Variants in PCSK5 observed in about 807,000 individuals in gnomAD.
PCSK5 encodes prohormone convertase 5.
A neutral mutation model predicts 233.2 loss-of-function variants in PCSK5; 129 were observed. That is an observed-to-expected ratio of 0.55 (90% confidence interval 0.48 to 0.64). The LOEUF (loss-of-function observed/expected upper bound fraction) is 0.64, where lower values mean the gene tolerates loss of function less well. Ranked by LOEUF, PCSK5 falls within the 30% of genes least tolerant of loss-of-function variation. The pLI, the probability that PCSK5 is intolerant of heterozygous loss-of-function variation, is 0.00. For synonymous variants in PCSK5, 825 were observed against 879.2 expected (o/e 0.94, Z 1.09); for missense variants, 2,076 against 2,430.1 (o/e 0.85, Z 3.06).
At chr9:76,234,549 G>T (rs1479194583) in intron 22 of PCSK5, among the ~76,000 whole-genome samples, 2 of 152,184 alleles carry the variant, frequency 1.3e-5, no homozygotes, top group Non-Finnish European at 2.9e-5. Flanking sequence ...GAGATCAGGA[G>T]ATAACACATT....
Position 76,323,244 on chromosome 9 carries a change from G to A in PCSK5, c.4295G>A (p.Cys1432Tyr). Reference protein sequence around the residue: ...VLYDGLCLEECPAGTYYEKET... With the variant: ...VLYDGLCLEEYPAGTYYEKET... ...TATGATGGACTGTGCTTGGAGGAGT[G>A]TCCAGCAGGAACCTATTATGAAAAG... Residue 1432 changes from cysteine (C) to tyrosine (Y), a missense_variant, in exon 32 of 38, where the codon TGT (cysteine) becomes TAT (tyrosine). Transcript: ENST00000674117. 6.2e-7 allele frequency: 1 copy of A among 1,612,404 alleles called. No individual in the cohort carries two copies. The highest frequency in any genetic ancestry group is 1.7e-5 in the Admixed American group (1 of 60,008).
chr9:76,036,138 T>G (rs2131516652), intron 5 of PCSK5, among the ~76,000 whole-genome samples: 1 of 152,308 alleles, frequency 6.6e-6, no homozygotes, highest in Non-Finnish European at 1.5e-5. Flanking sequence ...GTTAAAGAAC[T>G]AAAGTTAGAA....
chr9:76,175,375 C>G (rs1373850627), intron 14 of PCSK5: 1 of 516,072 alleles, frequency 1.9e-6, no homozygotes, highest in Non-Finnish European at 3.4e-6. Context: ...ATTTTCTTCC[C>G]CTTAAATATT....
intron 30 of PCSK5, among the ~76,000 whole-genome samples, chr9:76,315,820 C>G (rs1281456461): frequency 6.6e-6 from 1 of 150,762 alleles, no homozygotes; most frequent in African/African-American, 2.4e-5. Flanking sequence ...TTTGTAGAGA[C>G]AGCATTTCGC....
At chr9:76,010,861 T>G (rs1311130648) in intron 3 of PCSK5, among the ~76,000 whole-genome samples, 1 of 152,344 alleles carries the variant, frequency 6.6e-6, no homozygotes, top group African/African-American at 2.4e-5. Flanking sequence ...GTTAACGTTA[T>G]TCCTTTCATT....
chr9:76,076,361 A>C (rs1044987108), intron 7 of PCSK5, among the ~76,000 whole-genome samples: 1 of 152,180 alleles, frequency 6.6e-6, no homozygotes, highest in Non-Finnish European at 1.5e-5. Flanking sequence ...ACTAAACAGA[A>C]TTGTGGCCTG....
At chr9:76,214,040 A>G (rs1448676961) in intron 20 of PCSK5, among the ~76,000 whole-genome samples, 1 of 152,188 alleles carries the variant, frequency 6.6e-6, no homozygotes, top group African/African-American at 2.4e-5. Context: ...TAAGCAAGAG[A>G]TGGCCCTGTC....
rs772026190 is a variant in PCSK5, at chr9:76,358,950, T to C, written c.*28T>C. Reference sequence around the variant, plus strand: ...AGGCACTCCCCCACCAACACCACCATTCCACTCTCAGGCATGCCTGTGAGC... The same window carrying C: ...AGGCACTCCCCCACCAACACCACCACTCCACTCTCAGGCATGCCTGTGAGC... On this transcript the variant is annotated 3_prime_UTR_variant, in exon 38 of 38. Coordinates refer to ENST00000674117, the MANE Select transcript of PCSK5 (RefSeq NM_001372043.1). The C allele has an allele frequency of 1.1e-5, 18 of 1,593,764 alleles. No individual in the cohort carries two copies. Among genetic ancestry groups the C allele is most frequent in the Non-Finnish European group, 1.5e-5 (17 of 1,165,762 alleles).
chr9:76,167,521 A>G (rs1461078926), intron 12 of PCSK5, among the ~76,000 whole-genome samples: 2 of 152,190 alleles, frequency 1.3e-5, no homozygotes, highest in African/African-American at 4.8e-5. Context: ...GCTTTTCTCT[A>G]GGGAATATTG....
chr9:76,297,998 T>C (rs1437598374), intron 27 of PCSK5, among the ~76,000 whole-genome samples: 1 of 152,130 alleles, frequency 6.6e-6, no homozygotes, highest in Non-Finnish European at 1.5e-5. Flanking sequence ...TCAATCCAGA[T>C]TGGGCTATCT....
chr9:75,927,256 A>G (rs1823532891), intron 1 of PCSK5, among the ~76,000 whole-genome samples: 1 of 152,182 alleles, frequency 6.6e-6, no homozygotes, highest in East Asian at 1.9e-4. Flanking sequence ...TGTCCATTCA[A>G]GCTTTTGCCC....
rs765234111 is a variant in PCSK5 at position 75,891,318 on chromosome 9, G to A, written c.137G>A (p.Gly46Asp). 5 of 1,560,142 alleles carry A rather than the reference G, an allele frequency of 3.2e-6. No individual in the cohort carries two copies. The African/African-American group carries it at 4.2e-5, about 13-fold the overall frequency. Reference protein sequence around the residue: ...TNHWAVKIAGGFPEANRIASK... With the variant: ...TNHWAVKIAGDFPEANRIASK... ...CACTGGGCAGTCAAAATCGCCGGGG[G>A]CTTCCCGGAGGCCAACCGTATCGCC... is the stretch of plus-strand genomic sequence containing the variant. The change falls in exon 1 of 38, where the codon GGC becomes GAC. Residue 46 changes from glycine to aspartate, a missense_variant. By Grantham distance (94) the Gly-to-Asp change is moderately conservative (BLOSUM62 -1). Transcript: ENST00000674117.
chr9:75,943,175 A>G (rs1014854333), intron 2 of PCSK5, among the ~76,000 whole-genome samples: 2 of 152,124 alleles, frequency 1.3e-5, no homozygotes, highest in East Asian at 1.9e-4. Flanking sequence ...ATGAGCCACC[A>G]TGCCCGGCCT....
At chr9:75,892,930 G>GT (rs1197310430) in intron 1 of PCSK5, among the ~76,000 whole-genome samples, 1 of 152,198 alleles carries the variant, frequency 6.6e-6, no homozygotes, top group Non-Finnish European at 1.5e-5. Context: ...GCCAGATTTT[G>GT]TTGCTTGAGT....
intron 5 of PCSK5, among the ~76,000 whole-genome samples, chr9:76,036,174 G>A (rs1828852713): frequency 6.6e-6 from 1 of 152,080 alleles, no homozygotes; most frequent in Non-Finnish European, 1.5e-5. Flanking sequence ...CTAAAGGAAA[G>A]GTTATAATTT....
chr9:75,962,207 G>A (rs1825383555), intron 2 of PCSK5, among the ~76,000 whole-genome samples: 1 of 152,202 alleles, frequency 6.6e-6, no homozygotes. Context: ...AGCTGGGAAG[G>A]AGCATGGGTG....
chr9:76,282,145 T>TTTTTTTTTTTA (rs1286020691), intron 24 of PCSK5, among the ~76,000 whole-genome samples: 1 of 98,906 alleles, frequency 1.0e-5, no homozygotes, highest in Non-Finnish European at 2.1e-5. Context: ...TTTTTTTTTT[T>TTTTTTTTTTTA]TTCGCTCTGT....
rs532060853 is a variant in PCSK5 at position 76,016,829 on chromosome 9, T to C, written c.412-6909T>C. 1.6e-4 allele frequency among the ~76,000 whole-genome samples: 25 copies of C among 152,362 alleles called. No individual in the cohort carries two copies. In the East Asian group the frequency reaches 4.6e-3, roughly 28 times the overall value. The stretch of plus-strand genomic sequence containing the variant: ...ACTAAACCTAAAGACCATCCAGTTA[T>C]ACTTTGACTTCTATGCTTTGATTTC... On this transcript the variant is annotated intron_variant, in intron 3 of 37. Coordinates refer to ENST00000674117, the MANE Select transcript of PCSK5 (RefSeq NM_001372043.1).
At chr9:76,154,137 C>T (rs935579147) in intron 10 of PCSK5, among the ~76,000 whole-genome samples, 1 of 152,184 alleles carries the variant, frequency 6.6e-6, no homozygotes, top group African/African-American at 2.4e-5. Context: ...CATTGATCTA[C>T]TCAGCAACCA....
Sources: gnomAD v4.1 joint callset for allele counts (sites outside exome capture counted in the v4.1 genomes callset) on GRCh38, gnomAD v4.1.1 for gene constraint, MANE v1.5 for transcripts, NCBI Gene and HGNC (gene_info 2026-07-23, HGNC 2026-07-21) for gene names.